The following EBF2 variants were observed in gnomAD, a reference collection of about 807,000 sequenced individuals.
EBF2 encodes the protein transcription factor COE2.
Under a neutral mutation model 72.8 loss-of-function variants are expected in EBF2, and 21 were observed. The ratio of observed to expected loss-of-function variants is 0.29; its 90% CI spans 0.20 to 0.42. The LOEUF is 0.42. Among genes scored for constraint, EBF2 ranks in the 10% least tolerant of loss-of-function variants. The probability of loss-of-function intolerance (pLI) is 1.00; values close to 1 mark genes in which losing one functional copy is unlikely to be tolerated. For missense variants in EBF2, 637 were observed against 731.2 expected (o/e 0.87, Z 1.49); for synonymous variants, 299 against 274.2 (o/e 1.09, Z -0.89).
At chr8:26,005,542 T>TTATA (rs753242991) in intron 6 of EBF2, among the ~76,000 whole-genome samples, 9 of 40,208 alleles carry the variant, frequency 2.2e-4, no homozygotes, top group Admixed American at 4.3e-4. Context: ...TATATATATT[T>TTATA]TATATATATA....
chr8:25,890,893 C>T lies in EBF2; in HGVS notation c.634-1024G>A, dbSNP rs1204221527. On this transcript the variant is annotated intron_variant, in intron 7 of 15. Coordinates refer to ENST00000520164, the MANE Select transcript of EBF2 (RefSeq NM_022659.4). Reference sequence around the variant, plus strand: ...GATAAGGAATACTCAACCTGTAATACATATAAAGGATTCAGCACAGTGCTT... The same window carrying T: ...GATAAGGAATACTCAACCTGTAATATATATAAAGGATTCAGCACAGTGCTT... Among the ~76,000 whole-genome samples the T allele has an allele frequency of 3.3e-5, 5 of 152,312 alleles. No individual in the cohort carries two copies. The Middle Eastern group carries it at 0.01, about 311-fold the overall frequency.
At position 25,861,207 on chromosome 8, in the gene EBF2, G is replaced by A. The variant is rs773162764; in HGVS notation, c.1184C>T (p.Ala395Val). Residue 395 changes from alanine (A) to valine (V), a missense_variant, in exon 13 of 16, where the codon GCC (alanine) becomes GTC (valine). Physicochemically the swap from Ala to Val is moderately conservative, Grantham distance 64 (BLOSUM62 0). Around this residue, in one of 3 missense-constraint regions of EBF2, gnomAD observed 259 missense variants for 268.1 expected, o/e 0.97. Transcript: ENST00000520164. ...HNNQDIILKRAADIAEALYSV... is the reference protein window; with the variant it reads ...HNNQDIILKRVADIAEALYSV... ...GTAGAGAGCTTCAGCAATGTCTGCGGCTCGCTTCAAAATGATGTCCTACAA... is the reference window on the plus strand; with the variant it reads ...GTAGAGAGCTTCAGCAATGTCTGCGACTCGCTTCAAAATGATGTCCTACAA... 6.2e-7 allele frequency: 1 copy of A among 1,613,190 alleles called. No homozygotes were observed. The highest frequency in any genetic ancestry group is 1.1e-5 in the South Asian group (1 of 90,944).
chr8:25,912,613 AC>A (rs1457051761), intron 6 of EBF2, among the ~76,000 whole-genome samples: 3 of 152,122 alleles, frequency 2.0e-5, no homozygotes, highest in Admixed American at 6.5e-5. Flanking sequence ...GAAACATGGA[AC>A]TAAATGCTTA....
At chr8:25,965,793 A>G (rs1248808343) in intron 6 of EBF2, among the ~76,000 whole-genome samples, 1 of 152,234 alleles carries the variant, frequency 6.6e-6, no homozygotes, top group Non-Finnish European at 1.5e-5. Context: ...CAGCTCTCCC[A>G]CAGTGAAAGA....
Position 25,889,765 on chromosome 8 carries a change from G to A in EBF2, c.738C>T (p.Leu246=), listed in dbSNP as rs200374787. Residue 246 remains leucine, a synonymous_variant, in exon 8 of 16, where the codon CTC becomes CTT. Transcript: ENST00000520164. ...NSKHGRRARR[L]DPSEATPCIK... is the part of the protein sequence containing the mutation. ...AGGCAGCCCTACCTTCCGATGGATC[G>A]AGTCTTCTTGCTCTCCGTCCATGCT... The A allele has an allele frequency of 2.5e-5, 41 of 1,613,678 alleles. No individual in the cohort carries two copies. In the African/African-American group the frequency reaches 3.1e-4, roughly 12 times the overall value.
chr8:25,913,951 TA>T (rs1219945379), intron 6 of EBF2, among the ~76,000 whole-genome samples: 1 of 152,212 alleles, frequency 6.6e-6, no homozygotes, highest in Non-Finnish European at 1.5e-5. Context: ...CCATTTCCCT[TA>T]AAACACTCTC....
At chr8:25,853,523 CAT>C (rs1243312046) in intron 14 of EBF2, among the ~76,000 whole-genome samples, 1 of 151,676 alleles carries the variant, frequency 6.6e-6, no homozygotes. Flanking sequence ...GGCGGGGAAA[CAT>C]ATAATAATCT....
At chr8:25,991,312 A>G (rs1311696517) in intron 6 of EBF2, among the ~76,000 whole-genome samples, 1 of 152,230 alleles carries the variant, frequency 6.6e-6, no homozygotes, top group Non-Finnish European at 1.5e-5. Context: ...AGAATATATC[A>G]CAGAAATCCA....
At chr8:25,931,870 G>A (rs969237571) in intron 6 of EBF2, among the ~76,000 whole-genome samples, 1 of 152,110 alleles carries the variant, frequency 6.6e-6, no homozygotes, top group Non-Finnish European at 1.5e-5. Context: ...CAGAGATGTT[G>A]TTAAAAATCA....
At chr8:25,953,408 C>T (rs994847828) in intron 6 of EBF2, among the ~76,000 whole-genome samples, 3 of 152,116 alleles carry the variant, frequency 2.0e-5, no homozygotes, top group African/African-American at 7.2e-5. Flanking sequence ...ATTGCATTTC[C>T]AAGCATTTAA....
At chr8:25,958,522 G>A (rs1803985334) in intron 6 of EBF2, among the ~76,000 whole-genome samples, 1 of 151,744 alleles carries the variant, frequency 6.6e-6, no homozygotes, top group Non-Finnish European at 1.5e-5. Flanking sequence ...ACACCTCTCT[G>A]CAGTTTCAAA....
intron 6 of EBF2, among the ~76,000 whole-genome samples, chr8:25,965,892 G>C (rs1229544423): frequency 6.6e-6 from 1 of 152,234 alleles, no homozygotes; most frequent in Non-Finnish European, 1.5e-5. Flanking sequence ...GGGCAGCAAA[G>C]CTGCAATTTC....
rs562138929 is a variant in EBF2 at position 26,042,075 on chromosome 8, G to A, written c.288+20C>T. ...AGGGAGTTATTAGGCCGCGGGGTTT[G>A]GGGGGTACTTTCCGCTTACTTTGTC... On this transcript the variant is annotated intron_variant, in intron 2 of 15. Transcript: ENST00000520164. The A allele has an allele frequency of 6.2e-7, 1 of 1,611,710 alleles. No homozygotes were observed. Among genetic ancestry groups the A allele is most frequent in the Non-Finnish European group, 8.5e-7 (1 of 1,178,390 alleles).
chr8:25,986,025 A>AAAAAAAAAAAAAAATAAAAAAAAAAT (rs1804448971), intron 6 of EBF2, among the ~76,000 whole-genome samples: 1 of 145,670 alleles, frequency 6.9e-6, no homozygotes, highest in Non-Finnish European at 1.5e-5. Context: ...AAAAAAAAAA[A>AAAAAAAAAAAAAAATAAAAAAAAAAT]GTACATGAGG....
intron 6 of EBF2, among the ~76,000 whole-genome samples, chr8:25,926,508 CT>C (rs1271604454): frequency 1.3e-5 from 2 of 152,144 alleles, no homozygotes; most frequent in Non-Finnish European, 2.9e-5. Context: ...CGGTTTTATA[CT>C]TCGACAATGT....
chr8:26,011,112 C>T (rs1437952335), intron 6 of EBF2, among the ~76,000 whole-genome samples: 1 of 152,138 alleles, frequency 6.6e-6, no homozygotes, highest in Non-Finnish European at 1.5e-5. Flanking sequence ...CAGCTTAGCA[C>T]TTTATGGATA....
At position 26,044,764 on chromosome 8, in the gene EBF2, A is replaced by T; in HGVS notation, c.96T>A (p.Asn32Lys). Reference protein sequence around the residue: ...EMDSVRSWVRNVGVVDANVAA... With the variant: ...EMDSVRSWVRKVGVVDANVAA... ...CGACATTAGCGTCCACCACTCCGAC[A>T]TTCCGGACCCAGGACCTGACCGAAT... The change falls in exon 1 of 16, where the codon AAT becomes AAA. Residue 32 changes from asparagine (N) to lysine (K), a missense_variant. Around this residue, in one of 3 missense-constraint regions of EBF2, gnomAD observed 174 missense variants for 161.9 expected, o/e 1.07. Transcript: ENST00000520164. The surrounding 1 kb of genome is among the most constrained non-coding windows in gnomAD (Gnocchi z 4.1). The T allele has an allele frequency of 6.2e-7, 1 of 1,614,152 alleles. No individual in the cohort carries two copies. Among genetic ancestry groups the T allele is most frequent in the Non-Finnish European group, 8.5e-7 (1 of 1,180,028 alleles).
At chr8:25,968,567 T>C (rs1453004874) in intron 6 of EBF2, among the ~76,000 whole-genome samples, 1 of 152,088 alleles carries the variant, frequency 6.6e-6, no homozygotes, top group African/African-American at 2.4e-5. Context: ...GGGTACAGAT[T>C]GTTTGTTTGC....
rs572184399 is a variant in EBF2, at chr8:26,020,070, T to C, written c.551+13015A>G. 1.9e-4 allele frequency among the ~76,000 whole-genome samples: 29 copies of C among 152,254 alleles called. No individual in the cohort carries two copies. In the South Asian group the frequency reaches 6.0e-3, roughly 32 times the overall value. ...ACAGGATGGAGAAAGATAAGAAAGATGTGCCCCAACCCAAACCACCCTTAC... is the reference window on the plus strand; with the variant it reads ...ACAGGATGGAGAAAGATAAGAAAGACGTGCCCCAACCCAAACCACCCTTAC... On this transcript the variant is annotated intron_variant, in intron 6 of 15. Coordinates refer to ENST00000520164, the MANE Select transcript of EBF2 (RefSeq NM_022659.4).
Sources: gnomAD v4.1 joint callset for allele counts (sites outside exome capture counted in the v4.1 genomes callset) on GRCh38, gnomAD v4.1.1 for gene constraint, gnomAD v4.1.1 regional missense constraint, Gnocchi (gnomAD v3.1) non-coding constraint, MANE v1.5 for transcripts, NCBI Gene and HGNC (gene_info 2026-07-23, HGNC 2026-07-21) for gene names.